SYT3: variants seen among roughly 807,000 people sequenced by gnomAD.
SYT3 encodes the protein synaptotagmin-3.
In SYT3, 25 loss-of-function variants were observed where a neutral mutation model predicts 50.6. That is an observed-to-expected ratio of 0.49 (90% confidence interval 0.36 to 0.69). The LOEUF (loss-of-function observed/expected upper bound fraction) is 0.69, where lower values mean the gene tolerates loss of function less well. Ranked by LOEUF, SYT3 falls within the 30% of genes least tolerant of loss-of-function variation. The probability of loss-of-function intolerance (pLI) is 0.00; values close to 1 mark genes in which losing one functional copy is unlikely to be tolerated. For missense variants in SYT3, 589 were observed against 793.6 expected, an observed-to-expected ratio of 0.74 and a Z score of 3.10; for synonymous variants, 323 against 353.9, an observed-to-expected ratio of 0.91 and a Z score of 0.98.
At chr19:50,649,839 T>C in the SYT3 span, 1 of 493,114 alleles carries the variant, frequency 2.0e-6, no homozygotes, top group African/African-American at 1.9e-5. Flanking sequence ...CTCAGCATCT[T>C]CCCCCAAAGC....
the SYT3 span, among the ~76,000 whole-genome samples, chr19:50,646,748 A>C: frequency 6.6e-5 from 10 of 152,156 alleles, no homozygotes; most frequent in Non-Finnish European, 1.3e-4. Context: ...AGAGCATTCC[A>C]GGCAGAAGAC....
In SYT3 at chr19:50,625,348, A is replaced by G. The variant is rs1984007705; in HGVS notation, c.1574+45T>C. On this transcript the variant is annotated intron_variant, in intron 8 of 10. Coordinates refer to ENST00000600079, the MANE Select transcript of SYT3 (RefSeq NM_001160329.2). This position sits in a 1 kb window ranked among gnomAD's most constrained non-coding sequence, Gnocchi z 7.5. ...GAGGGTGGTGGGAGGGCCTGTCCCC[A>G]CCCCAGCCCTCCTGCCTGACCCCCG... is the stretch of plus-strand genomic sequence containing the variant. 3 of 1,536,250 alleles carry G rather than the reference A, an allele frequency of 2.0e-6. No individual in the cohort carries two copies. Among genetic ancestry groups the G allele is most frequent in the South Asian group, 2.4e-5 (2 of 83,420 alleles).
At chr19:50,646,388 G>A in the SYT3 span, among the ~76,000 whole-genome samples, 1 of 149,876 alleles carries the variant, frequency 6.7e-6, no homozygotes, top group Non-Finnish European at 1.5e-5. Context: ...AGACCAGGAG[G>A]GACAGGGCAG....
At chr19:50,650,652 TGG>T in the SYT3 span, among the ~76,000 whole-genome samples, 1 of 152,108 alleles carries the variant, frequency 6.6e-6, no homozygotes, top group Non-Finnish European at 1.5e-5. Context: ...GCCTGGGTGA[TGG>T]AGGGAGACTC....
In SYT3 at chr19:50,626,170, CA is replaced by C. The variant is rs1428563268; in HGVS notation, c.1282-154del. On this transcript the variant is annotated intron_variant, in intron 6 of 10. Coordinates refer to ENST00000600079, the MANE Select transcript of SYT3 (RefSeq NM_001160329.2). ...GCAATCTGACTCTTGGGACAAGGCC[CA>C]GTAATTCCCTGGCCACAGCTGCCCA... 29 of 1,228,758 alleles carry C rather than the reference CA, an allele frequency of 2.4e-5. 1 individual carries two copies. The African/African-American group carries it at 2.6e-4, about 11-fold the overall frequency. 76.1% of individuals were successfully genotyped at this position (1,228,758 alleles called of 1,614,324 possible).
chr19:50,630,221 C>T (rs367768887), intron 4 of SYT3, 50 bp from the exon 5 acceptor site: 137 of 1,459,856 alleles, frequency 9.4e-5, no homozygotes, highest in African/African-American at 3.2e-4. Context: ...CTCTGATCTT[C>T]GACTGCATGC....
chr19:50,639,900 C>G (rs1984625807), upstream of SYT3: 1 of 153,272 alleles, frequency 6.5e-6, no homozygotes, highest in African/African-American at 2.4e-5. The surrounding 1 kb of genome is among the most constrained non-coding windows in gnomAD (Gnocchi z 4.6). Flanking sequence ...TCCGCGGCTC[C>G]TCCCCCTGCA....
chr19:50,629,192 G>T, intron 6 of SYT3, 102 bp downstream of exon 6: 1 of 903,082 alleles, frequency 1.1e-6, no homozygotes, highest in Non-Finnish European at 1.6e-6. Context: ...AAAATGTGGG[G>T]ACAAGAAGTG....
the SYT3 span, among the ~76,000 whole-genome samples, chr19:50,657,135 G>A: frequency 6.6e-6 from 1 of 152,028 alleles, no homozygotes; most frequent in African/African-American, 2.4e-5. Context: ...CTCAACAATT[G>A]ACTGAGAAGA....
intron 3 of SYT3, among the ~76,000 whole-genome samples, chr19:50,635,869 C>T (rs1434901729): frequency 6.6e-6 from 1 of 152,214 alleles, no homozygotes; most frequent in Non-Finnish European, 1.5e-5. Context: ...AAGCTCACAC[C>T]TGGTCTGTCC....
Position 50,637,520 on chromosome 19 carries a change from C to G in SYT3, c.-15-94G>C, listed in dbSNP as rs1327643819. 1 of 1,140,266 alleles carries G rather than the reference C, an allele frequency of 8.8e-7. No individual in the cohort carries two copies. Among genetic ancestry groups the G allele is most frequent in the African/African-American group, 1.5e-5 (1 of 64,530 alleles). 70.6% of individuals were successfully genotyped at this position (1,140,266 alleles called of 1,614,324 possible). ...TGGAGATAAGGGTGGAAAGAGACAC[C>G]GAGAAAAGGAAGGATGGGCAAAGGG... On this transcript the variant is annotated intron_variant, in intron 2 of 10. Coordinates refer to ENST00000600079, the MANE Select transcript of SYT3 (RefSeq NM_001160329.2). The surrounding 1 kb of genome is among the most constrained non-coding windows in gnomAD (Gnocchi z 4.9).
the SYT3 span, chr19:50,649,806 A>G: frequency 3.7e-6 from 2 of 534,282 alleles, no homozygotes; most frequent in South Asian, 3.1e-5. Flanking sequence ...AGGTAACCTC[A>G]CTGTCTTGTC....
Position 50,625,582 on chromosome 19 carries a change from G to T in SYT3, c.1403-18C>A. The stretch of plus-strand genomic sequence containing the variant: ...GTAGGGGTCTGGGAACAGCAATGAA[G>T]TAAGGAACAGAGACTCACTCCCTCA... On this transcript the variant is annotated intron_variant, in intron 7 of 10. Coordinates refer to ENST00000600079, the MANE Select transcript of SYT3 (RefSeq NM_001160329.2). This position sits in a 1 kb window ranked among gnomAD's most constrained non-coding sequence, Gnocchi z 7.5. The T allele has an allele frequency of 6.4e-7, 1 of 1,558,904 alleles. No individual in the cohort carries two copies. Among genetic ancestry groups the T allele is most frequent in the Non-Finnish European group, 8.7e-7 (1 of 1,153,748 alleles).
Position 50,625,748 on chromosome 19 carries a change from GGCCCC to G in SYT3, c.1402+144_1402+148del. ...CTCCTCTCTCCGACCCAGGAGTCCA[GGCCCC>G]TGGCCCCTCCTCCCTCAGACCCAGG... is the stretch of plus-strand genomic sequence containing the variant. On this transcript the variant is annotated intron_variant, in intron 7 of 10. Transcript: ENST00000600079. This position sits in a 1 kb window ranked among gnomAD's most constrained non-coding sequence, Gnocchi z 7.5. 1.7e-5 allele frequency: 17 copies of G among 983,594 alleles called. No individual in the cohort carries two copies. The highest frequency in any genetic ancestry group is 4.9e-5 in the South Asian group (3 of 61,286). The allele number at this position is 983,594 out of a possible 1,614,324, so 60.9% of individuals were successfully genotyped here.
chr19:50,641,868 G>GAATA (rs769227773), upstream of SYT3, among the ~76,000 whole-genome samples: 5 of 151,704 alleles, frequency 3.3e-5, no homozygotes, highest in African/African-American at 9.7e-5. Flanking sequence ...ACATAAATAT[G>GAATA]AATAAATAAA....
At chr19:50,656,914 T>C in the SYT3 span, among the ~76,000 whole-genome samples, 1 of 145,734 alleles carries the variant, frequency 6.9e-6, no homozygotes. Flanking sequence ...ATCGTGCCAC[T>C]GCACTCCAGC....
At position 50,639,466 on chromosome 19, in the gene SYT3, A is replaced by G. The variant is rs1213943677; in HGVS notation, c.-153-304T>C. ...GGGGGGTTAAGATGCTGGGGTCCCA[A>G]GACGCTTCAGGGGAGGGGAACGATG... On this transcript the variant is annotated intron_variant, in intron 1 of 10. Transcript: ENST00000600079. This position sits in a 1 kb window ranked among gnomAD's most constrained non-coding sequence, Gnocchi z 4.6. Among the ~76,000 whole-genome samples, 4 of 151,196 alleles carry G rather than the reference A, an allele frequency of 2.6e-5. No homozygotes were observed. The highest frequency in any genetic ancestry group is 5.9e-5 in the Non-Finnish European group (4 of 67,820).
intron 4 of SYT3, among the ~76,000 whole-genome samples, chr19:50,630,423 T>C (rs1984261193): frequency 7.3e-6 from 1 of 136,770 alleles, no homozygotes; most frequent in African/African-American, 2.6e-5. Context: ...CCTTCCTTCC[T>C]TCTTTCCTTT....
intron 4 of SYT3, among the ~76,000 whole-genome samples, chr19:50,631,554 A>G (rs1176455218): frequency 1.3e-5 from 2 of 152,006 alleles, no homozygotes; most frequent in Non-Finnish European, 2.9e-5. Context: ...TGTCCTCACA[A>G]TGCACTAGGA....
Sources: allele counts gnomAD v4.1 joint callset (sites outside exome capture counted in the v4.1 genomes callset), GRCh38; gene constraint gnomAD v4.1.1; non-coding constraint Gnocchi (gnomAD v3.1); transcripts MANE v1.5; gene names NCBI Gene and HGNC (gene_info 2026-07-23, HGNC 2026-07-21).